Variants in CACNB2 observed in about 807,000 individuals in gnomAD.
CACNB2 encodes the protein voltage-dependent L-type calcium channel subunit beta-2.
In CACNB2, 42 loss-of-function variants were observed where a neutral mutation model predicts 73.3. The ratio of observed to expected loss-of-function variants is 0.57; its 90% CI spans 0.45 to 0.74. The LOEUF is 0.74. Among genes scored for constraint, CACNB2 ranks in the 30% least tolerant of loss-of-function variants. The probability of loss-of-function intolerance (pLI) is 0.00; values close to 1 mark genes in which losing one functional copy is unlikely to be tolerated. For missense variants in CACNB2, 940 were observed against 853.0 expected, an observed-to-expected ratio of 1.10 and a Z score of -1.27; for synonymous variants, 348 against 310.3, an observed-to-expected ratio of 1.12 and a Z score of -1.28.
At chr10:18,292,260 C>T (rs2039094578) in intron 2 of CACNB2, among the ~76,000 whole-genome samples, 2 of 152,222 alleles carry the variant, frequency 1.3e-5, no homozygotes, top group African/African-American at 2.4e-5. Flanking sequence ...CTTAATTTTA[C>T]GTATCTAAGT....
chr10:18,209,973 A>G (rs2035251546), intron 2 of CACNB2, among the ~76,000 whole-genome samples: 1 of 152,232 alleles, frequency 6.6e-6, no homozygotes, highest in South Asian at 2.1e-4. Context: ...AGGAGAAAGA[A>G]AAGGATGTAT....
chr10:18,371,691 G>C (rs966999847), intron 2 of CACNB2, among the ~76,000 whole-genome samples: 1 of 152,200 alleles, frequency 6.6e-6, no homozygotes, highest in African/African-American at 2.4e-5. Flanking sequence ...ATAGCAGCAT[G>C]ATTTATAATC....
chr10:18,317,149 C>T (rs1226171502), intron 2 of CACNB2, among the ~76,000 whole-genome samples: 1 of 151,502 alleles, frequency 6.6e-6, no homozygotes, highest in Non-Finnish European at 1.5e-5. Context: ...CAAAAACTGT[C>T]CTCTCAAAGG....
intron 2 of CACNB2, among the ~76,000 whole-genome samples, chr10:18,294,522 A>G (rs1278674311): frequency 2.0e-5 from 3 of 152,240 alleles, no homozygotes; most frequent in African/African-American, 7.2e-5. Context: ...GACAAAAAGC[A>G]AATACCTAAG....
chr10:18,207,348 T>A (rs2035137529), intron 2 of CACNB2, among the ~76,000 whole-genome samples: 1 of 152,190 alleles, frequency 6.6e-6, no homozygotes, highest in South Asian at 2.1e-4. Context: ...CAATAATTGT[T>A]CTATTTTATT....
intron 5 of CACNB2, among the ~76,000 whole-genome samples, chr10:18,505,744 G>A (rs146584981): frequency 1.3e-5 from 2 of 152,260 alleles, no homozygotes; most frequent in African/African-American, 4.8e-5. Flanking sequence ...CACAAATGCT[G>A]TTGTTCTAAT....
At chr10:18,186,706 A>T (rs2034170146) in intron 2 of CACNB2, among the ~76,000 whole-genome samples, 1 of 152,134 alleles carries the variant, frequency 6.6e-6, no homozygotes, top group South Asian at 2.1e-4. Context: ...CAATACCAAG[A>T]GAGATGGTGC....
In CACNB2 at chr10:18,140,547, C is replaced by T. The variant is rs1242259049; in HGVS notation, c.-190C>T. On this transcript the variant is annotated 5_prime_UTR_variant, in exon 1 of 14. Coordinates refer to ENST00000324631, the MANE Select transcript of CACNB2 (RefSeq NM_201596.3). Reference sequence around the variant, plus strand: ...CTCGCTTCGCCCGATGCCCCGGCCCCGTCCCGCGCACTGAGCGCCTGGCAG... The same window carrying T: ...CTCGCTTCGCCCGATGCCCCGGCCCTGTCCCGCGCACTGAGCGCCTGGCAG... 7 of 371,566 alleles carry T rather than the reference C, an allele frequency of 1.9e-5. No individual in the cohort carries two copies. The highest frequency in any genetic ancestry group is 4.8e-5 in the Admixed American group (1 of 20,876). The allele number at this position is 371,566 out of a possible 1,614,324, so 23.0% of individuals were successfully genotyped here. A position where few individuals can be genotyped will look rare whatever the true frequency, so the allele number is the denominator to read the frequency against.
intron 9 of CACNB2, among the ~76,000 whole-genome samples, chr10:18,524,513 G>T (rs2052253787): frequency 6.6e-6 from 1 of 151,572 alleles, no homozygotes; most frequent in African/African-American, 2.4e-5. Context: ...AAATTAGCTG[G>T]GCACAATGGT....
At chr10:18,538,446 A>C in intron 13 of CACNB2, 81 bp downstream of exon 13, 1 of 1,208,128 alleles carries the variant, frequency 8.3e-7, no homozygotes, top group Non-Finnish European at 1.2e-6. Context: ...CTAGGATCCA[A>C]GCCCAGTAGC....
intron 2 of CACNB2, among the ~76,000 whole-genome samples, chr10:18,351,446 C>T (rs1370734496): frequency 1.3e-5 from 2 of 152,188 alleles, no homozygotes; most frequent in East Asian, 1.9e-4. Context: ...TGTCTCTTTA[C>T]ATTCTTCTAC....
At chr10:18,276,487 A>C (rs2038292399) in intron 2 of CACNB2, among the ~76,000 whole-genome samples, 1 of 152,216 alleles carries the variant, frequency 6.6e-6, no homozygotes, top group Admixed American at 6.5e-5. Flanking sequence ...GCAGGAGCTG[A>C]AAGATTACCA....
rs182777553 is a variant in CACNB2, at chr10:18,417,817, G to A, written c.333+15774G>A. On this transcript the variant is annotated intron_variant, in intron 3 of 13. Coordinates refer to ENST00000324631, the MANE Select transcript of CACNB2 (RefSeq NM_201596.3). ...ATATCTAGGAAATAGATTGTATGAAGAATGCTGAAGAAACAAAATTTAAAT... is the reference window on the plus strand; with the variant it reads ...ATATCTAGGAAATAGATTGTATGAAAAATGCTGAAGAAACAAAATTTAAAT... 8.0e-3 allele frequency among the ~76,000 whole-genome samples: 1,220 copies of A among 152,070 alleles called. 4 individuals are homozygous for A. Among genetic ancestry groups the A allele is most frequent in the Non-Finnish European group, 0.012 (836 of 67,986 alleles).
chr10:18,418,166 C>A (rs1249488346), intron 3 of CACNB2, among the ~76,000 whole-genome samples: 1 of 152,192 alleles, frequency 6.6e-6, no homozygotes, highest in African/African-American at 2.4e-5. Context: ...CCTCTGCCTC[C>A]CATGTTCAGG....
At chr10:18,379,039 T>C (rs1490161405) in intron 2 of CACNB2, among the ~76,000 whole-genome samples, 4 of 152,152 alleles carry the variant, frequency 2.6e-5, no homozygotes, top group Non-Finnish European at 4.4e-5. Context: ...ATTTGCTTAC[T>C]AGAGAGAATT....
At chr10:18,376,989 ATAAC>A (rs1186568374) in intron 2 of CACNB2, among the ~76,000 whole-genome samples, 2 of 152,224 alleles carry the variant, frequency 1.3e-5, no homozygotes, top group Non-Finnish European at 2.9e-5. Flanking sequence ...AAATTTTAAA[ATAAC>A]TAAAAGAGCA....
At chr10:18,335,985 AAT>A (rs1248189161) in intron 2 of CACNB2, among the ~76,000 whole-genome samples, 1 of 152,138 alleles carries the variant, frequency 6.6e-6, no homozygotes, top group Non-Finnish European at 1.5e-5. Context: ...TTCTATTGTA[AAT>A]ATGTTTTGGT....
Position 18,506,542 on chromosome 10 carries a change from C to T in CACNB2, c.665C>T (p.Ser222Leu), listed in dbSNP as rs761542420. The T allele has an allele frequency of 3.8e-6, 6 of 1,578,644 alleles. No homozygotes were observed. In the Admixed American group the frequency reaches 6.7e-5, roughly 18 times the overall value. The change falls in exon 6 of 14, where the codon TCA becomes TTA. Residue 222 changes from serine (S) to leucine (L), a missense_variant. By Grantham distance (145) the Ser-to-Leu change is moderately radical (BLOSUM62 -2). Transcript: ENST00000324631. ...VPSSRKSTPPSSAIDIDATGL... is the reference protein window; with the variant it reads ...VPSSRKSTPPLSAIDIDATGL... The stretch of plus-strand genomic sequence containing the variant: ...AGTTCCAGAAAATCAACACCTCCAT[C>T]ATCTGGTAAGTAGGTGATAAATGCT...
intron 2 of CACNB2, among the ~76,000 whole-genome samples, chr10:18,192,511 C>G (rs1227203898): frequency 6.6e-6 from 1 of 152,026 alleles, no homozygotes; most frequent in East Asian, 1.9e-4. Context: ...CCACCTGTAA[C>G]CATTTTAAAG....
Sources: allele counts gnomAD v4.1 joint callset (sites outside exome capture counted in the v4.1 genomes callset), GRCh38; gene constraint gnomAD v4.1.1; transcripts MANE v1.5; gene names NCBI Gene and HGNC (gene_info 2026-07-23, HGNC 2026-07-21).